Variants in CACNA1D observed in about 807,000 individuals in gnomAD.
CACNA1D encodes voltage-dependent L-type calcium channel subunit alpha-1D.
A neutral mutation model predicts 257.1 loss-of-function variants in CACNA1D; 55 were observed. The observed-to-expected ratio is 0.21, with a 90% confidence interval of 0.17 to 0.27. The LOEUF is 0.27. Among genes scored for constraint, CACNA1D ranks in the 10% least tolerant of loss-of-function variants. The pLI, the probability that CACNA1D is intolerant of heterozygous loss-of-function variation, is 1.00. For missense variants in CACNA1D, 1,876 were observed against 2,784.0 expected (o/e 0.67, Z 7.34); for synonymous variants, 980 against 1,014.9 (o/e 0.97, Z 0.65).
intron 3 of CACNA1D, among the ~76,000 whole-genome samples, chr3:53,529,117 C>T (rs1183301659): frequency 1.3e-5 from 2 of 152,196 alleles, no homozygotes; most frequent in African/African-American, 4.8e-5. Context: ...TTTATTCTTT[C>T]ATCACTGAGT....
chr3:53,724,622 C>T (rs1198744388), intron 14 of CACNA1D, among the ~76,000 whole-genome samples: 2 of 152,178 alleles, frequency 1.3e-5, no homozygotes, highest in African/African-American at 2.4e-5. Context: ...CACATGCTCC[C>T]CTGACTCTAC....
chr3:53,713,652 G>A (rs560318296), intron 9 of CACNA1D, among the ~76,000 whole-genome samples: 1 of 152,134 alleles, frequency 6.6e-6, no homozygotes, highest in African/African-American at 2.4e-5. Flanking sequence ...GAAAATGCTA[G>A]TTGTGCTTAC....
rs1045882939 is a variant in CACNA1D at position 53,812,404 on chromosome 3, A to G, written c.*998A>G. 2.0e-5 allele frequency: 3 copies of G among 152,242 alleles called. No homozygotes were observed. The highest frequency in any genetic ancestry group is 2.1e-4 in the South Asian group (1 of 4,828). The allele number at this position is 152,242 out of a possible 1,614,324, so 9.4% of individuals were successfully genotyped here. A position where few individuals can be genotyped will look rare whatever the true frequency, so the allele number is the denominator to read the frequency against. ...AATTTTAAGTTTGAAAGAACTTGAC[A>G]CTACAGAAATTTTTCTAAAATATTT... On this transcript the variant is annotated 3_prime_UTR_variant, in exon 48 of 48. Coordinates refer to ENST00000350061, the MANE Select transcript of CACNA1D (RefSeq NM_001128840.3).
intron 3 of CACNA1D, among the ~76,000 whole-genome samples, chr3:53,631,301 A>G (rs1168822684): frequency 6.6e-6 from 1 of 152,212 alleles, no homozygotes; most frequent in Non-Finnish European, 1.5e-5. Flanking sequence ...TTTCATTTCA[A>G]CAGTGTTCAC....
chr3:53,776,256 G>A (rs980982685), intron 35 of CACNA1D, among the ~76,000 whole-genome samples: 1 of 152,164 alleles, frequency 6.6e-6, no homozygotes, highest in South Asian at 2.1e-4. Flanking sequence ...CTCACTAATC[G>A]GCTTGGAGCA....
chr3:53,575,724 C>T (rs535257454), intron 3 of CACNA1D, among the ~76,000 whole-genome samples: 3 of 152,202 alleles, frequency 2.0e-5, no homozygotes, highest in East Asian at 1.9e-4. Flanking sequence ...TTAATGTATT[C>T]GGGTAGATTT....
chr3:53,769,919 C>A, intron 30 of CACNA1D, 54 bp from the exon 31 acceptor site: 1 of 1,347,114 alleles, frequency 7.4e-7, no homozygotes, highest in Non-Finnish European at 1.1e-6. Flanking sequence ...CTCTCTGGAA[C>A]CATTGACTCC....
At chr3:53,635,911 C>A (rs1243258426) in intron 3 of CACNA1D, among the ~76,000 whole-genome samples, 1 of 152,222 alleles carries the variant, frequency 6.6e-6, no homozygotes, top group East Asian at 1.9e-4. Flanking sequence ...CTGCCTGAGT[C>A]TCCGTTTCCT....
At chr3:53,543,133 G>T (rs114454543) in intron 3 of CACNA1D, among the ~76,000 whole-genome samples, 13,331 of 141,832 alleles carry the variant, frequency 0.094, 1,690 homozygotes, top group African/African-American at 0.28. Context: ...AATAAATAAA[G>T]AAAGAAATAA....
At chr3:53,733,930 T>TG (rs2095026628) in intron 19 of CACNA1D, among the ~76,000 whole-genome samples, 8 of 134,034 alleles carry the variant, frequency 6.0e-5, no homozygotes, top group South Asian at 2.3e-4. Context: ...GTGTGTGTGT[T>TG]TGTGTGTGTG....
intron 19 of CACNA1D, among the ~76,000 whole-genome samples, chr3:53,734,673 A>G (rs1470672464): frequency 6.6e-6 from 1 of 152,160 alleles, no homozygotes; most frequent in Admixed American, 6.5e-5. Context: ...TCACGAGACC[A>G]CAGGACTTGG....
intron 8 of CACNA1D, among the ~76,000 whole-genome samples, chr3:53,686,341 G>A (rs373399107): frequency 8.8e-4 from 134 of 152,154 alleles, no homozygotes; most frequent in African/African-American, 3.1e-3. Flanking sequence ...TAAAGTTGGA[G>A]GGAGCATTTC....
chr3:53,586,838 A>C lies in CACNA1D; in HGVS notation c.484-63941A>C, dbSNP rs1368100790. On this transcript the variant is annotated intron_variant, in intron 3 of 47. Transcript: ENST00000350061. ...CAAGACAGGCATCGTGTTGAACTTC[A>C]TGAAGAAGATAATCTAATAATTGAA... Among the ~76,000 whole-genome samples, 3 of 152,204 alleles carry C rather than the reference A, an allele frequency of 2.0e-5. 1 individual carries two copies. Among genetic ancestry groups the C allele is most frequent in the South Asian group, 4.1e-4 (2 of 4,828 alleles).
chr3:53,586,210 C>A (rs1376058051), intron 3 of CACNA1D, among the ~76,000 whole-genome samples: 1 of 151,966 alleles, frequency 6.6e-6, no homozygotes. Context: ...GGCAAGGGCA[C>A]TAGCTGAAGG....
chr3:53,497,539 G>T, intron 2 of CACNA1D, 78 bp downstream of exon 2: 1 of 1,432,230 alleles, frequency 7.0e-7, no homozygotes, highest in South Asian at 1.2e-5. Context: ...TTTCTGAAGT[G>T]ACACAAAGCT....
At chr3:53,630,809 A>G (rs1382172722) in intron 3 of CACNA1D, among the ~76,000 whole-genome samples, 1 of 152,212 alleles carries the variant, frequency 6.6e-6, no homozygotes, top group Admixed American at 6.5e-5. Flanking sequence ...TTGGTTCCAG[A>G]CTACCACAAT....
At chr3:53,529,325 A>G (rs1043740478) in intron 3 of CACNA1D, among the ~76,000 whole-genome samples, 1 of 152,172 alleles carries the variant, frequency 6.6e-6, no homozygotes, top group African/African-American at 2.4e-5. Context: ...TGCATGTTAA[A>G]CCAATTTTGC....
intron 22 of CACNA1D, among the ~76,000 whole-genome samples, chr3:53,743,495 A>G (rs2577327): frequency 0.88 from 134,521 of 152,284 alleles, 59,634 homozygotes; most frequent in East Asian, 1. Flanking sequence ...AGGGGCTGGG[A>G]CCAGGTGGCC....
At chr3:53,718,239 G>A in intron 9 of CACNA1D, 62 bp from the exon 10 acceptor site, 7 of 1,440,228 alleles carry the variant, frequency 4.9e-6, no homozygotes. Context: ...CTCCCACCTG[G>A]CCTGCCTCCC....
Sources: allele counts gnomAD v4.1 joint callset (sites outside exome capture counted in the v4.1 genomes callset), GRCh38; gene constraint gnomAD v4.1.1; transcripts MANE v1.5; gene names NCBI Gene and HGNC (gene_info 2026-07-23, HGNC 2026-07-21).